The following ATIC variants were observed in gnomAD, a reference collection of about 807,000 sequenced individuals.
ATIC encodes 5-aminoimidazole-4-carboxamide ribonucleotide formyltransferase/IMP cyclohydrolase, also known as bifunctional purine biosynthesis protein ATIC.
Under a neutral mutation model 72.5 loss-of-function variants are expected in ATIC, and 64 were observed. The ratio of observed to expected loss-of-function variants is 0.88; its 90% confidence interval spans 0.72 to 1.09. The LOEUF (loss-of-function observed/expected upper bound fraction) is 1.09. ATIC is among the 50% of genes least tolerant of loss of function. ATIC has a pLI of 0.00. For synonymous variants in ATIC, 281 were observed against 267.1 expected (o/e 1.05, Z -0.51); for missense variants, 787 against 732.4 (o/e 1.07, Z -0.86).
chr2:215,354,260 C>G (rs1177629136), downstream of ATIC, among the ~76,000 whole-genome samples: 1 of 151,962 alleles, frequency 6.6e-6, no homozygotes, highest in African/African-American at 2.4e-5. Context: ...GAACTCCTGG[C>G]CTCAGGTGAT....
rs1407373080 is a variant in ATIC, at chr2:215,346,953, G to A, written c.1503+12G>A. 8.1e-6 allele frequency: 13 copies of A among 1,613,988 alleles called. No individual in the cohort carries two copies. Among genetic ancestry groups the A allele is most frequent in the Non-Finnish European group, 1.1e-5 (13 of 1,179,898 alleles). On this transcript the variant is annotated intron_variant, in intron 14 of 15. Transcript: ENST00000236959. Reference sequence around the variant, plus strand: ...GAACCATTGGCGAGGTGAAAGACTTGGCATTGGGTTCTCGGCTGTGTTAAT... The same window carrying A: ...GAACCATTGGCGAGGTGAAAGACTTAGCATTGGGTTCTCGGCTGTGTTAAT...
the ATIC span, chr2:215,364,238 A>G: frequency 6.1e-4 from 104 of 169,892 alleles, no homozygotes; most frequent in Admixed American, 1.2e-3. Flanking sequence ...TGCTAGACCT[A>G]TAACAAGCAT....
the ATIC span, among the ~76,000 whole-genome samples, chr2:215,367,144 A>G: frequency 6.6e-6 from 1 of 152,212 alleles, no homozygotes; most frequent in Non-Finnish European, 1.5e-5. Flanking sequence ...AAATGAACCA[A>G]TTGTCAATAA....
downstream of ATIC, among the ~76,000 whole-genome samples, chr2:215,353,886 T>C (rs899566190): frequency 6.6e-6 from 1 of 152,048 alleles, no homozygotes; most frequent in Non-Finnish European, 1.5e-5. Context: ...TTATCATGCT[T>C]GTATATTTGA....
the ATIC span, chr2:215,368,002 C>T: frequency 8.1e-6 from 13 of 1,614,048 alleles, no homozygotes; most frequent in African/African-American, 6.7e-5. Flanking sequence ...ACGAGTCATC[C>T]GTAGGTTGGT....
chr2:215,318,126 A>G (rs2052728890), intron 2 of ATIC, 31 bp from the exon 3 acceptor site: 2 of 1,579,138 alleles, frequency 1.3e-6, no homozygotes, highest in Non-Finnish European at 8.7e-7. Context: ...CAGCCACACC[A>G]GTAGTACCAT....
At chr2:215,343,191 G>C (rs1268704234) in intron 12 of ATIC, among the ~76,000 whole-genome samples, 1 of 150,260 alleles carries the variant, frequency 6.7e-6, no homozygotes, top group African/African-American at 2.5e-5. Context: ...GGATAGTTGT[G>C]TAGCAATCTC....
At chr2:215,314,786 C>G (rs1052993587) in intron 2 of ATIC, among the ~76,000 whole-genome samples, 6 of 152,028 alleles carry the variant, frequency 3.9e-5, no homozygotes, top group African/African-American at 1.4e-4. Flanking sequence ...GCCACCGCAC[C>G]CGAGGCCAAG....
rs11550205 is a variant in ATIC at position 215,312,120 on chromosome 2, C to T, written c.-23C>T. The T allele has an allele frequency of 0.021, 32,812 of 1,529,946 alleles. 451 individuals carry two copies. Among genetic ancestry groups the T allele is most frequent in the Non-Finnish European group, 0.024 (26,989 of 1,144,748 alleles). 94.8% of individuals were successfully genotyped at this position (1,529,946 alleles called of 1,614,324 possible). Reference sequence around the variant, plus strand: ...TGCCGCCGCTGCTGCCTCCCGCTCGCCCTGAACCCAGTGCCTGCAGCCATG... The same window carrying T: ...TGCCGCCGCTGCTGCCTCCCGCTCGTCCTGAACCCAGTGCCTGCAGCCATG... On this transcript the variant is annotated 5_prime_UTR_variant, in exon 1 of 16. Transcript: ENST00000236959.
At chr2:215,316,989 C>G (rs771827613) in intron 2 of ATIC, among the ~76,000 whole-genome samples, 16 of 152,148 alleles carry the variant, frequency 1.1e-4, no homozygotes, top group Non-Finnish European at 2.1e-4. Context: ...CTGGAACTCC[C>G]TTACCTCAGG....
At chr2:215,321,727 G>A (rs1312065893) in intron 4 of ATIC, among the ~76,000 whole-genome samples, 1 of 152,166 alleles carries the variant, frequency 6.6e-6, no homozygotes, top group Non-Finnish European at 1.5e-5. Flanking sequence ...CAAATAATGT[G>A]GAACACCGTT....
chr2:215,342,663 G>A (rs1361333824), intron 12 of ATIC, among the ~76,000 whole-genome samples: 1 of 152,112 alleles, frequency 6.6e-6, no homozygotes, highest in East Asian at 1.9e-4. Flanking sequence ...CAGTTTTTGT[G>A]TGTTTGTGTG....
intron 8 of ATIC, 34 bp downstream of exon 8, chr2:215,332,541 G>A: frequency 6.2e-7 from 1 of 1,609,718 alleles, no homozygotes; most frequent in Middle Eastern, 1.7e-4. Flanking sequence ...CTCCAGAATT[G>A]TTCGAAAGGC....
intron 4 of ATIC, among the ~76,000 whole-genome samples, chr2:215,322,631 G>A (rs534754904): frequency 1.7e-4 from 26 of 152,086 alleles, no homozygotes; most frequent in African/African-American, 5.5e-4. Context: ...CGCACCCGGC[G>A]TGTGTACATT....
At chr2:215,347,997 G>T (rs951035977) in intron 14 of ATIC, among the ~76,000 whole-genome samples, 7 of 152,122 alleles carry the variant, frequency 4.6e-5, no homozygotes, top group African/African-American at 1.7e-4. Context: ...TTCCCAGATG[G>T]CACAGCCCTC....
chr2:215,364,923 A>G, the ATIC span: 11 of 1,575,722 alleles, frequency 7.0e-6, no homozygotes, highest in Non-Finnish European at 9.5e-6. Flanking sequence ...GCACCGAGAT[A>G]TTCCTTCTGC....
In ATIC at chr2:215,332,472, C is replaced by T. The variant is rs750765780; in HGVS notation, c.779C>T (p.Pro260Leu). ...VKELKEALGI[P>L]AAASFKHVSP... ...GAACTCAAGGAGGCTTTAGGTATTC[C>T]AGCCGCTGCCTCTTTCAAACATGTC... The change falls in exon 8 of 16, where the codon CCA (proline) becomes CTA (leucine). Residue 260 changes from proline (P) to leucine (L), a missense_variant. Transcript: ENST00000236959. 83 of 1,613,964 alleles carry T rather than the reference C, an allele frequency of 5.1e-5. No individual in the cohort carries two copies. Among genetic ancestry groups the T allele is most frequent in the Non-Finnish European group, 6.9e-5 (81 of 1,180,034 alleles).
rs1251435506 is a variant in ATIC, at chr2:215,332,373, T to C, written c.689-9T>C. On this transcript the variant is annotated splice_polypyrimidine_tract_variant and intron_variant, in intron 7 of 15. Coordinates refer to ENST00000236959, the MANE Select transcript of ATIC (RefSeq NM_004044.7). ...GCTTAGTAATGTGCATGTATATTTT[T>C]ACATTTAGTTCTAAATGGAGCCCCT... The C allele has an allele frequency of 1.2e-6, 2 of 1,613,984 alleles. No homozygotes were observed. Among genetic ancestry groups the C allele is most frequent in the African/African-American group, 2.7e-5 (2 of 74,912 alleles).
chr2:215,318,100 A>G, intron 2 of ATIC, 57 bp from the exon 3 acceptor site: 1 of 1,441,790 alleles, frequency 6.9e-7, no homozygotes, highest in Non-Finnish European at 9.8e-7. Context: ...TGCTTTGAAT[A>G]GTGAAAATTA....
Sources: allele counts gnomAD v4.1 joint callset (sites outside exome capture counted in the v4.1 genomes callset), GRCh38; gene constraint gnomAD v4.1.1; transcripts MANE v1.5; gene names NCBI Gene and HGNC (gene_info 2026-07-23, HGNC 2026-07-21).